Variants in CAGE1 observed in about 807,000 individuals in gnomAD.
CAGE1 encodes cancer antigen 1, also known as cancer-associated gene 1 protein.
Under a neutral mutation model 94.9 loss-of-function variants are expected in CAGE1, and 66 were observed. The observed-to-expected ratio is 0.70, with a 90% CI of 0.57 to 0.85. The LOEUF (loss-of-function observed/expected upper bound fraction) is 0.85. Ranked by LOEUF, CAGE1 falls within the 40% of genes least tolerant of loss-of-function variation. CAGE1 has a pLI of 0.00. For synonymous variants in CAGE1, 319 were observed against 321.0 expected, an observed-to-expected ratio of 0.99 and a Z score of 0.07; for missense variants, 865 against 950.4, an observed-to-expected ratio of 0.91 and a Z score of 1.18.
At chr6:7,376,891 A>G (rs1425672489) in intron 4 of CAGE1, among the ~76,000 whole-genome samples, 1 of 151,804 alleles carries the variant, frequency 6.6e-6, no homozygotes, top group Non-Finnish European at 1.5e-5. Context: ...CCTTCCCCAG[A>G]CTCCCTGATC....
intron 5 of CAGE1, among the ~76,000 whole-genome samples, chr6:7,370,436 G>C (rs1760499853): frequency 6.6e-6 from 1 of 151,974 alleles, no homozygotes; most frequent in African/African-American, 2.4e-5. Context: ...TGAAACCACA[G>C]GTGCATGCCA....
chr6:7,345,188 G>T (rs953328216), intron 11 of CAGE1, among the ~76,000 whole-genome samples: 1 of 122,976 alleles, frequency 8.1e-6, no homozygotes, highest in Non-Finnish European at 1.6e-5. Context: ...TCCTTGTGAA[G>T]GTTTGTAGTT....
chr6:7,384,238 C>G (rs1296675086), intron 3 of CAGE1, among the ~76,000 whole-genome samples: 1 of 152,004 alleles, frequency 6.6e-6, no homozygotes, highest in Non-Finnish European at 1.5e-5. Context: ...CCATCATGCC[C>G]GGCTAATTTT....
In CAGE1 at chr6:7,385,889, G is replaced by C; in HGVS notation, c.196-17C>G. 7.4e-7 allele frequency: 1 copy of C among 1,355,346 alleles called. No individual in the cohort carries two copies. The highest frequency in any genetic ancestry group is 1.0e-6 in the Non-Finnish European group (1 of 991,262). The allele number at this position is 1,355,346 out of a possible 1,614,324, so 84.0% of individuals were successfully genotyped here. A position where few individuals can be genotyped will look rare whatever the true frequency, so the allele number is the denominator to read the frequency against. On this transcript the variant is annotated splice_polypyrimidine_tract_variant and intron_variant, in intron 2 of 13. Coordinates refer to ENST00000502583, the MANE Select transcript of CAGE1 (RefSeq NM_001170692.2). ...TATTTCGTTCTGTATTAATAAAAAAGGCATCAATACTTCAAGCAAACATCA... is the reference window on the plus strand; with the variant it reads ...TATTTCGTTCTGTATTAATAAAAAACGCATCAATACTTCAAGCAAACATCA...
At chr6:7,333,648 A>C (rs1191126351) in intron 12 of CAGE1, among the ~76,000 whole-genome samples, 4,147 of 69,488 alleles carry the variant, frequency 0.06, 125 homozygotes, top group East Asian at 0.13. Context: ...CTATCTATAT[A>C]TATATATATA....
chr6:7,337,978 CTTCTT>C (rs1177098831), intron 11 of CAGE1, among the ~76,000 whole-genome samples: 3 of 152,262 alleles, frequency 2.0e-5, no homozygotes, highest in Admixed American at 2.0e-4. Context: ...TTATTTAACT[CTTCTT>C]TACTTTTTCT....
At chr6:7,347,516 T>TGG (rs1292213281) in intron 11 of CAGE1, 11 of 7,536 alleles carry the variant, frequency 1.5e-3, no homozygotes, top group East Asian at 5.1e-3. Flanking sequence ...GGGGGGGGGT[T>TGG]GGGGGGGGCG....
intron 11 of CAGE1, among the ~76,000 whole-genome samples, chr6:7,345,800 C>T (rs1759490330): frequency 6.6e-6 from 1 of 152,036 alleles, no homozygotes; most frequent in Admixed American, 6.6e-5. Flanking sequence ...TGGCAGGCCC[C>T]CATAGTCCCA....
chr6:7,329,925 GA>G, intron 12 of CAGE1, 37 bp from the exon 13 acceptor site: 2 of 960,244 alleles, frequency 2.1e-6, no homozygotes, highest in Non-Finnish European at 3.2e-6. Flanking sequence ...TAAAAAGGAG[GA>G]AGGGGGGACT....
At chr6:7,371,478 G>C (rs915612855) in intron 5 of CAGE1, among the ~76,000 whole-genome samples, 1 of 152,084 alleles carries the variant, frequency 6.6e-6, no homozygotes, top group Admixed American at 6.6e-5. Flanking sequence ...CTCAGTTCAA[G>C]TTATTAAAAC....
At position 7,340,262 on chromosome 6, in the gene CAGE1, G is replaced by A. The variant is rs907998075; in HGVS notation, c.2370-6172C>T. Among the ~76,000 whole-genome samples the A allele has an allele frequency of 3.9e-5, 6 of 151,930 alleles. No homozygotes were observed. The East Asian group carries it at 9.6e-4, about 24-fold the overall frequency. On this transcript the variant is annotated intron_variant, in intron 11 of 13. Coordinates refer to ENST00000502583, the MANE Select transcript of CAGE1 (RefSeq NM_001170692.2). ...CATGTCCTTAGCCCACTTTTTGATG[G>A]GATTGTTTTTTTCTTGTTAATTTGT... is the stretch of plus-strand genomic sequence containing the variant.
intron 11 of CAGE1, chr6:7,347,323 C>T (rs1263867957): frequency 6.6e-6 from 1 of 152,142 alleles, no homozygotes; most frequent in African/African-American, 2.4e-5. Context: ...AACACAAACC[C>T]CAACTGAAGA....
intron 12 of CAGE1, chr6:7,331,305 A>G (rs1436246306): frequency 4.1e-6 from 4 of 968,874 alleles, no homozygotes; most frequent in African/African-American, 3.4e-5. Context: ...AAACAAAATC[A>G]AGAAAGCAAC....
chr6:7,373,172 C>T lies in CAGE1; in HGVS notation c.1647G>A (p.Gln549=). The stretch of plus-strand genomic sequence containing the variant: ...TTTGCTCTTCACTCCTTGCAACCTG[C>T]TGTTTAAGTTTTGCATTCTCATTTT... The part of the protein sequence containing the change: ...EVKNENAKLK[Q]QVARSEEQNY... The change falls in exon 5 of 14, where the codon CAG becomes CAA. Residue 549 remains glutamine (Q), a synonymous_variant. Coordinates refer to ENST00000502583, the MANE Select transcript of CAGE1 (RefSeq NM_001170692.2). 1.9e-6 allele frequency: 3 copies of T among 1,613,790 alleles called. No individual in the cohort carries two copies. Among genetic ancestry groups the T allele is most frequent in the Non-Finnish European group, 2.5e-6 (3 of 1,179,812 alleles).
chr6:7,338,055 T>C (rs977833021), intron 11 of CAGE1, among the ~76,000 whole-genome samples: 1 of 151,986 alleles, frequency 6.6e-6, no homozygotes, highest in Non-Finnish European at 1.5e-5. Context: ...AATTTATCCT[T>C]ATGTAGTTTA....
In CAGE1 at chr6:7,379,015, T is replaced by C. The variant is rs1760849568; in HGVS notation, c.289A>G (p.Asn97Asp). 2 of 1,506,650 alleles carry C rather than the reference T, an allele frequency of 1.3e-6. No homozygotes were observed. The highest frequency in any genetic ancestry group is 1.8e-6 in the Non-Finnish European group (2 of 1,128,608). 93.3% of individuals were successfully genotyped at this position (1,506,650 alleles called of 1,614,324 possible). ...GTLDNLLNDN[N>D]IENYSTNALI... ...GCATTCGTTGAGTAATTTTCAATGT[T>C]GTTATCTCATAAGAAAGAGAAAGAA... Residue 97 changes from asparagine to aspartate, a missense_variant, in exon 4 of 14, where the codon AAC (asparagine) becomes GAC (aspartate). Physicochemically the swap from Asn to Asp is conservative, Grantham distance 23 (BLOSUM62 1). Transcript: ENST00000502583.
In CAGE1 at chr6:7,344,447, C is replaced by T. The variant is rs553630955; in HGVS notation, c.2370-10357G>A. Among the ~76,000 whole-genome samples, 92 of 152,380 alleles carry T rather than the reference C, an allele frequency of 6.0e-4. 1 individual carries two copies. Among genetic ancestry groups the T allele is most frequent in the African/African-American group, 2.1e-3 (86 of 41,596 alleles). ...CGATTTCTCACCGTGCCTTAGCTGCCTTCCCGCAGGGCAGGATTCGGGACC... is the reference window on the plus strand; with the variant it reads ...CGATTTCTCACCGTGCCTTAGCTGCTTTCCCGCAGGGCAGGATTCGGGACC... On this transcript the variant is annotated intron_variant, in intron 11 of 13. Coordinates refer to ENST00000502583, the MANE Select transcript of CAGE1 (RefSeq NM_001170692.2).
At chr6:7,387,359 G>T (rs561460136) in intron 1 of CAGE1, among the ~76,000 whole-genome samples, 163 bp from the exon 2 acceptor site, 18 of 152,218 alleles carry the variant, frequency 1.2e-4, no homozygotes, top group African/African-American at 3.9e-4. Context: ...CCGTAATTTG[G>T]TATGGTAGTA....
At chr6:7,327,364 A>G (rs1581648655) in intron 13 of CAGE1, among the ~76,000 whole-genome samples, 1 of 152,248 alleles carries the variant, frequency 6.6e-6, no homozygotes, top group Non-Finnish European at 1.5e-5. Flanking sequence ...CATGTTGTCC[A>G]GGCTGGTCTC....
Sources: allele counts gnomAD v4.1 joint callset (sites outside exome capture counted in the v4.1 genomes callset), GRCh38; gene constraint gnomAD v4.1.1; transcripts MANE v1.5; gene names NCBI Gene and HGNC (gene_info 2026-07-23, HGNC 2026-07-21).